Variants in NAA35 observed in about 807,000 individuals in gnomAD.
NAA35 encodes MAK10 homolog, amino-acid N-acetyltransferase subunit.
Under a neutral mutation model 101.7 loss-of-function variants are expected in NAA35, and 18 were observed. The ratio of observed to expected loss-of-function variants is 0.18; its 90% confidence interval spans 0.12 to 0.26. NAA35 has a LOEUF of 0.26. Among genes scored for constraint, NAA35 ranks in the 10% least tolerant of loss-of-function variants. The pLI is 1.00. For synonymous variants in NAA35, 267 were observed against 273.1 expected, an observed-to-expected ratio of 0.98 and a Z score of 0.22; for missense variants, 601 against 886.8, an observed-to-expected ratio of 0.68 and a Z score of 4.09.
At chr9:86,014,309 T>G in intron 17 of NAA35, 1 of 872,212 alleles carries the variant, frequency 1.1e-6, no homozygotes, top group Non-Finnish European at 1.4e-6. Flanking sequence ...CATAACTGTT[T>G]CAAACCGTGG....
chr9:86,021,451 G>A (rs1055087816), intron 22 of NAA35, among the ~76,000 whole-genome samples: 7 of 152,122 alleles, frequency 4.6e-5, no homozygotes, highest in Non-Finnish European at 8.8e-5. Flanking sequence ...GGCACCGTGG[G>A]GGCATTTGCC....
intron 6 of NAA35, among the ~76,000 whole-genome samples, chr9:85,967,244 T>C (rs574873609): frequency 1.3e-5 from 2 of 152,210 alleles, no homozygotes; most frequent in Non-Finnish European, 2.9e-5. Flanking sequence ...TAATTTATTA[T>C]GTATATTGAG....
chr9:85,959,712 A>G lies in NAA35; in HGVS notation c.274-81A>G, dbSNP rs544283288. 631 of 880,842 alleles carry G rather than the reference A, an allele frequency of 7.2e-4. 7 individuals carry two copies. The South Asian group carries it at 0.01, about 14-fold the overall frequency. 54.6% of individuals were successfully genotyped at this position (880,842 alleles called of 1,614,324 possible). The stretch of plus-strand genomic sequence containing the variant: ...GCTGTTTTTAAATATTGAATGTTAG[A>G]AATCCAAAATGCTACTATACATAGT... On this transcript the variant is annotated intron_variant, in intron 4 of 22. Transcript: ENST00000361671.
intron 20 of NAA35, 22 bp from the exon 21 acceptor site, chr9:86,018,677 T>G (rs1832355128): frequency 6.3e-7 from 1 of 1,599,824 alleles, no homozygotes; most frequent in Non-Finnish European, 8.5e-7. Context: ...GTGTTTTGAA[T>G]TATACTTCCC....
At chr9:85,992,527 T>C (rs1830962985) in intron 11 of NAA35, among the ~76,000 whole-genome samples, 1 of 152,224 alleles carries the variant, frequency 6.6e-6, no homozygotes, top group Non-Finnish European at 1.5e-5. Flanking sequence ...GATCCTCATT[T>C]TGCTGATAGT....
chr9:85,989,425 C>T (rs780864809), intron 11 of NAA35, among the ~76,000 whole-genome samples: 3 of 151,778 alleles, frequency 2.0e-5, no homozygotes, highest in African/African-American at 4.8e-5. Flanking sequence ...GAGCTGAGAT[C>T]GCAGCATTGT....
chr9:85,994,505 T>C (rs1831072973), intron 11 of NAA35, among the ~76,000 whole-genome samples: 1 of 152,198 alleles, frequency 6.6e-6, no homozygotes, highest in Admixed American at 6.5e-5. Flanking sequence ...TCAGCAGCTT[T>C]TATGTTGTTT....
chr9:85,963,615 T>G (rs886485443), intron 6 of NAA35, among the ~76,000 whole-genome samples: 159 of 152,206 alleles, frequency 1.0e-3, no homozygotes, highest in African/African-American at 3.7e-3. Context: ...TTTTATACAG[T>G]TGGTGGTTAT....
rs567897071 is a variant in NAA35, at chr9:85,977,934, AT to A, written c.763-323del. On this transcript the variant is annotated intron_variant, in intron 10 of 22. Coordinates refer to ENST00000361671, the MANE Select transcript of NAA35 (RefSeq NM_024635.4). ...AATTTCTGTAATTCTATTTCTTCCC[AT>A]TTTTTTTTTCCTACCTTGATGAATG... Among the ~76,000 whole-genome samples, 364 of 143,144 alleles carry A rather than the reference AT, an allele frequency of 2.5e-3. 1 individual carries two copies. Among genetic ancestry groups the A allele is most frequent in the South Asian group, 8.2e-3 (38 of 4,612 alleles). 93.9% of individuals were successfully genotyped at this position (143,144 alleles called of 152,430 possible).
intron 18 of NAA35, among the ~76,000 whole-genome samples, chr9:86,016,918 T>G (rs1408175479): frequency 6.6e-6 from 1 of 152,126 alleles, no homozygotes; most frequent in Non-Finnish European, 1.5e-5. Flanking sequence ...CCACGTGGAG[T>G]GTGCAAGCAA....
chr9:85,941,444 A>G (rs1443585748), intron 1 of NAA35, 171 bp downstream of exon 1: 1 of 985,276 alleles, frequency 1.0e-6, no homozygotes. Context: ...CTGTCGGCCG[A>G]GGCCCCACTC....
chr9:85,974,843 C>T, intron 6 of NAA35, 124 bp from the exon 7 acceptor site: 1 of 666,418 alleles, frequency 1.5e-6, no homozygotes, highest in South Asian at 1.9e-5. Context: ...GCAGGATGAC[C>T]TCCCATTTCT....
intron 2 of NAA35, 73 bp from the exon 3 acceptor site, chr9:85,956,286 TA>T: frequency 1.2e-6 from 1 of 869,232 alleles, no homozygotes; most frequent in Middle Eastern, 3.4e-4. Flanking sequence ...TTTCAGGTGC[TA>T]ATGTCTTTTT....
intron 19 of NAA35, among the ~76,000 whole-genome samples, 177 bp downstream of exon 19, chr9:86,017,742 G>C (rs934661376): frequency 6.6e-6 from 1 of 152,054 alleles, no homozygotes; most frequent in Non-Finnish European, 1.5e-5. Context: ...TTGAACCCTT[G>C]CTTATGTGTG....
intron 2 of NAA35, among the ~76,000 whole-genome samples, chr9:85,950,781 A>G (rs1828983333): frequency 6.6e-6 from 1 of 152,212 alleles, no homozygotes; most frequent in Admixed American, 6.5e-5. Flanking sequence ...CTATGTATGT[A>G]TTACATATAT....
chr9:86,011,041 G>A (rs545546904), intron 15 of NAA35, among the ~76,000 whole-genome samples: 5 of 151,160 alleles, frequency 3.3e-5, no homozygotes, highest in Non-Finnish European at 7.4e-5. Context: ...TCGGGAGTTC[G>A]AGACCAGCCT....
chr9:85,947,624 G>T (rs891691842), intron 2 of NAA35, among the ~76,000 whole-genome samples: 3 of 152,178 alleles, frequency 2.0e-5, no homozygotes, highest in Admixed American at 2.0e-4. Context: ...AGACATTTTT[G>T]ATTGTCACAG....
At chr9:86,014,489 TTGAG>T in intron 17 of NAA35, 1 of 300,004 alleles carries the variant, frequency 3.3e-6, no homozygotes, top group South Asian at 1.3e-4. Flanking sequence ...GAAAATAAGA[TTGAG>T]TGTTAATGAA....
chr9:85,972,092 G>C (rs563384414), intron 6 of NAA35, among the ~76,000 whole-genome samples: 7 of 152,144 alleles, frequency 4.6e-5, no homozygotes, highest in African/African-American at 1.7e-4. Context: ...ATATTCCCAG[G>C]ACTTGTGATG....
Sources: allele counts gnomAD v4.1 joint callset (sites outside exome capture counted in the v4.1 genomes callset), GRCh38; gene constraint gnomAD v4.1.1; transcripts MANE v1.5; gene names NCBI Gene and HGNC (gene_info 2026-07-23, HGNC 2026-07-21).